The following NEDD4L variants were observed in gnomAD, a reference collection of about 807,000 sequenced individuals.
NEDD4L encodes the protein NEDD4 like E3 ubiquitin protein ligase.
A neutral mutation model predicts 148.9 loss-of-function variants in NEDD4L; 54 were observed. The ratio of observed to expected loss-of-function variants is 0.36; its 90% CI spans 0.29 to 0.45. NEDD4L has a LOEUF of 0.45. NEDD4L is among the 20% of genes least tolerant of loss of function. The probability of loss-of-function intolerance (pLI) is 1.00; values close to 1 mark genes in which losing one functional copy is unlikely to be tolerated. For synonymous variants in NEDD4L, 433 were observed against 440.7 expected (o/e 0.98, Z 0.22); for missense variants, 856 against 1,233.8 (o/e 0.69, Z 4.59).
chr18:58,181,939 T>G (rs2038908021), intron 2 of NEDD4L, among the ~76,000 whole-genome samples: 1 of 152,230 alleles, frequency 6.6e-6, no homozygotes, highest in Non-Finnish European at 1.5e-5. Flanking sequence ...TAACACATTT[T>G]TTTTTTGTAT....
At chr18:58,335,404 G>A (rs922183779) in intron 12 of NEDD4L, 74 bp from the exon 13 acceptor site, 6 of 1,220,994 alleles carry the variant, frequency 4.9e-6, no homozygotes, top group Non-Finnish European at 7.3e-6. Context: ...CGCTGCCACA[G>A]CAGTGGGCCC....
chr18:58,103,409 C>T (rs902019636), intron 1 of NEDD4L, among the ~76,000 whole-genome samples: 6 of 151,922 alleles, frequency 3.9e-5, no homozygotes, highest in South Asian at 2.1e-4. Flanking sequence ...CAGTTACCCC[C>T]GTGTGTTAAT....
At chr18:58,244,667 G>GT (rs138752736) in intron 2 of NEDD4L, among the ~76,000 whole-genome samples, 1 of 150,762 alleles carries the variant, frequency 6.6e-6, no homozygotes, top group South Asian at 2.1e-4. Flanking sequence ...GTTTTGATTT[G>GT]TTTTTTTATG....
Position 58,315,975 on chromosome 18 carries a change from C to T in NEDD4L, c.298-7C>T, listed in dbSNP as rs753959894. ...GAAACACTAACTCTTTGTTCTCTTC[C>T]TAACAGACACGAGACGACTTCCTGG... On this transcript the variant is annotated splice_region_variant and splice_polypyrimidine_tract_variant and intron_variant, in intron 5 of 30. Coordinates refer to ENST00000400345, the MANE Select transcript of NEDD4L (RefSeq NM_001144967.3). 6 of 1,611,512 alleles carry T rather than the reference C, an allele frequency of 3.7e-6. No individual in the cohort carries two copies. In the South Asian group the frequency reaches 6.6e-5, roughly 18 times the overall value.
At chr18:58,165,239 A>G (rs527309628) in intron 1 of NEDD4L, among the ~76,000 whole-genome samples, 109 of 152,344 alleles carry the variant, frequency 7.2e-4, no homozygotes, top group African/African-American at 2.5e-3. Context: ...GATTTCCAAG[A>G]CACTTTGGGG....
At chr18:58,370,573 A>C in intron 23 of NEDD4L, 106 bp downstream of exon 23, 1 of 746,250 alleles carries the variant, frequency 1.3e-6, no homozygotes, top group South Asian at 1.5e-5. Context: ...TGGGTGTTGC[A>C]TTCCATGTGA....
intron 1 of NEDD4L, among the ~76,000 whole-genome samples, chr18:58,061,973 A>G (rs1340457659): frequency 6.6e-6 from 1 of 152,154 alleles, no homozygotes; most frequent in Non-Finnish European, 1.5e-5. Flanking sequence ...TTCTGCATGT[A>G]TGTAGCAGCC....
intron 1 of NEDD4L, among the ~76,000 whole-genome samples, chr18:58,118,874 C>G (rs370989096): frequency 4.6e-5 from 7 of 152,098 alleles, no homozygotes; most frequent in African/African-American, 1.7e-4. Context: ...GGCGCTGATT[C>G]CAGATCCTCT....
intron 2 of NEDD4L, among the ~76,000 whole-genome samples, chr18:58,223,608 T>C (rs914811531): frequency 6.6e-6 from 1 of 152,240 alleles, no homozygotes; most frequent in Non-Finnish European, 1.5e-5. Context: ...TCAGTTTTCA[T>C]GTGAAGCCAT....
intron 2 of NEDD4L, among the ~76,000 whole-genome samples, chr18:58,239,739 A>G (rs1453332565): frequency 6.6e-6 from 1 of 152,220 alleles, no homozygotes; most frequent in Non-Finnish European, 1.5e-5. Context: ...TCTCCCTGAC[A>G]GATGACCTCG....
chr18:58,163,789 A>C (rs1047024149), intron 1 of NEDD4L, among the ~76,000 whole-genome samples: 7 of 152,168 alleles, frequency 4.6e-5, no homozygotes, highest in African/African-American at 1.4e-4. Flanking sequence ...AATGTGAAGT[A>C]TCTCAAGGAT....
intron 16 of NEDD4L, among the ~76,000 whole-genome samples, chr18:58,347,102 A>G (rs116773840): frequency 0.013 from 1,898 of 151,682 alleles, 32 homozygotes; most frequent in African/African-American, 0.044. Context: ...ATGCAAGGCC[A>G]CTTTAGCAGA....
intron 9 of NEDD4L, among the ~76,000 whole-genome samples, chr18:58,325,647 C>G (rs1384677428): frequency 6.6e-6 from 1 of 151,972 alleles, no homozygotes; most frequent in South Asian, 2.1e-4. Flanking sequence ...AATTTGAGCC[C>G]CTTAATATAA....
At chr18:58,158,923 A>G (rs1420619361) in intron 1 of NEDD4L, among the ~76,000 whole-genome samples, 1 of 152,134 alleles carries the variant, frequency 6.6e-6, no homozygotes, top group African/African-American at 2.4e-5. Context: ...CCTGAGAGAG[A>G]GAGAGAATGT....
chr18:58,063,039 CTTT>C (rs74183235), intron 1 of NEDD4L, among the ~76,000 whole-genome samples: 2 of 91,152 alleles, frequency 2.2e-5, no homozygotes, highest in African/African-American at 9.6e-5. Context: ...TTTATTTGTT[CTTT>C]TTTTTTTTTT....
intron 12 of NEDD4L, chr18:58,334,102 A>T (rs2041395333): frequency 4.3e-6 from 2 of 466,766 alleles, no homozygotes; most frequent in Non-Finnish European, 7.6e-6. Context: ...TGGAACCTCC[A>T]TTGCTTTAGT....
intron 22 of NEDD4L, 50 bp from the exon 23 acceptor site, chr18:58,370,347 A>G (rs749537478): frequency 6.6e-6 from 7 of 1,067,104 alleles, no homozygotes; most frequent in African/African-American, 3.1e-5. Context: ...GCTCTGATAC[A>G]TAGCAGTGTC....
rs761705295 is a variant in NEDD4L at position 58,373,155 on chromosome 18, C to T, written c.2257-19C>T. 14 of 1,402,750 alleles carry T rather than the reference C, an allele frequency of 1.0e-5. No individual in the cohort carries two copies. The highest frequency in any genetic ancestry group is 1.2e-5 in the South Asian group (1 of 80,924). 86.9% of individuals were successfully genotyped at this position (1,402,750 alleles called of 1,614,324 possible). On this transcript the variant is annotated intron_variant, in intron 23 of 30. Transcript: ENST00000400345. ...TTGGGGAAAAAATGCTGAATTTTCA[C>T]TCCTGTGTCATTCTGTAGGATAGTG...
intron 1 of NEDD4L, among the ~76,000 whole-genome samples, chr18:58,061,969 A>C (rs980256727): frequency 6.6e-6 from 1 of 152,122 alleles, no homozygotes; most frequent in African/African-American, 2.4e-5. Context: ...AAGATTCTGC[A>C]TGTATGTAGC....
Sources: allele counts gnomAD v4.1 joint callset (sites outside exome capture counted in the v4.1 genomes callset), GRCh38; gene constraint gnomAD v4.1.1; transcripts MANE v1.5; gene names NCBI Gene and HGNC (gene_info 2026-07-23, HGNC 2026-07-21).